GTF3C1: variants seen among roughly 807,000 people sequenced by gnomAD.
GTF3C1 encodes general transcription factor 3C polypeptide 1.
Under a neutral mutation model 226.7 loss-of-function variants are expected in GTF3C1, and 57 were observed. That is an observed-to-expected ratio of 0.25 (90% confidence interval 0.20 to 0.31). The LOEUF is 0.31. Ranked by LOEUF, GTF3C1 falls within the 10% of genes least tolerant of loss-of-function variation. The probability of loss-of-function intolerance (pLI) is 1.00; values close to 1 mark genes in which losing one functional copy is unlikely to be tolerated. For missense variants in GTF3C1, 2,217 were observed against 2,776.1 expected, an observed-to-expected ratio of 0.80 and a Z score of 4.53; for synonymous variants, 1,090 against 1,084.8, an observed-to-expected ratio of 1.00 and a Z score of -0.09.
rs117580390 is a variant in GTF3C1 at position 27,536,694 on chromosome 16, T to A, written c.752+1090A>T. 5.3e-5 allele frequency among the ~76,000 whole-genome samples: 8 copies of A among 152,134 alleles called. No homozygotes were observed. In the East Asian group the frequency reaches 1.5e-3, roughly 29 times the overall value. On this transcript the variant is annotated intron_variant, in intron 4 of 36. Coordinates refer to ENST00000356183, the MANE Select transcript of GTF3C1 (RefSeq NM_001520.4). Reference sequence around the variant, plus strand: ...TCCCCCCACTTTTGGAGGATGCACCTCCCCTCCCCATTATCCCTCATTGCT... The same window carrying A: ...TCCCCCCACTTTTGGAGGATGCACCACCCCTCCCCATTATCCCTCATTGCT...
rs1329261408 is a variant in GTF3C1 at position 27,549,725 on chromosome 16, C to T, written c.166G>A (p.Gly56Ser). 1.8e-5 allele frequency: 29 copies of T among 1,610,818 alleles called. No individual in the cohort carries two copies. Among genetic ancestry groups the T allele is most frequent in the Non-Finnish European group, 2.3e-5 (27 of 1,179,398 alleles). ...FLWRALATHP[G>S]ISFYEEPRER... ...CGAGGCTCCTCATAGAAGCTGATGC[C>T]CGGGTGCGTGGCGAGGGCCCGCCAG... Residue 56 changes from glycine (G) to serine (S), a missense_variant, in exon 1 of 37, where the codon GGC becomes AGC. Gly to Ser is a moderately conservative substitution (Grantham distance 56). Transcript: ENST00000356183.
At chr16:27,519,827 C>A (rs955259498) in intron 6 of GTF3C1, among the ~76,000 whole-genome samples, 1 of 152,180 alleles carries the variant, frequency 6.6e-6, no homozygotes, top group Non-Finnish European at 1.5e-5. Flanking sequence ...AGAAACAAGG[C>A]TGGACATAGA....
rs751952764 is a variant in GTF3C1, at chr16:27,484,262, C to T, written c.3950G>A (p.Gly1317Glu). The part of the protein sequence containing the change: ...ESLDKTSHSV[G>E]RRARYIVKNP... ...TTTGACTATGTAGCGAGCTCTTCGT[C>T]CAACGGAATGAGATGTTTTATCCAA... Residue 1317 changes from glycine (G) to glutamate (E), a missense_variant, in exon 25 of 37, where the codon GGA becomes GAA. Physicochemically the swap from Gly to Glu is moderately conservative, Grantham distance 98. This residue lies in a region of GTF3C1 where 546 missense variants were observed against 663.0 expected (regional missense o/e 0.82). Coordinates refer to ENST00000356183, the MANE Select transcript of GTF3C1 (RefSeq NM_001520.4). 1.2e-6 allele frequency: 2 copies of T among 1,608,300 alleles called. No homozygotes were observed. The highest frequency in any genetic ancestry group is 8.5e-7 in the Non-Finnish European group (1 of 1,174,758).
chr16:27,529,796 G>A (rs966120633), intron 5 of GTF3C1, among the ~76,000 whole-genome samples: 11 of 152,172 alleles, frequency 7.2e-5, no homozygotes. Flanking sequence ...GGGCCCACCC[G>A]GTTCCAGGGG....
intron 16 of GTF3C1, 104 bp downstream of exon 16, chr16:27,494,659 G>C (rs541361659): frequency 1.4e-4 from 106 of 762,652 alleles, no homozygotes; most frequent in Non-Finnish European, 2.1e-4. Flanking sequence ...ATTCATCTGG[G>C]CAACACCGGG....
At chr16:27,468,858 T>G (rs2087822324) in intron 32 of GTF3C1, among the ~76,000 whole-genome samples, 2 of 152,216 alleles carry the variant, frequency 1.3e-5, no homozygotes, top group Non-Finnish European at 2.9e-5. Flanking sequence ...TACTTATCTT[T>G]CCTAGCAAGG....
Position 27,493,311 on chromosome 16 carries a change from T to G in GTF3C1, c.2779-15A>C. On this transcript the variant is annotated splice_polypyrimidine_tract_variant and intron_variant, in intron 16 of 36. Transcript: ENST00000356183. Reference sequence around the variant, plus strand: ...AGGTTGTCCACCTGAAGAGGTGATGTGCAGGTTCAGCTCGCCCTGAGGGCC... The same window carrying G: ...AGGTTGTCCACCTGAAGAGGTGATGGGCAGGTTCAGCTCGCCCTGAGGGCC... 7.0e-7 allele frequency: 1 copy of G among 1,418,824 alleles called. No homozygotes were observed. The highest frequency in any genetic ancestry group is 1.0e-6 in the Non-Finnish European group (1 of 1,001,352). The allele number at this position is 1,418,824 out of a possible 1,614,324, so 87.9% of individuals were successfully genotyped here.
At chr16:27,478,421 A>G (rs1384383337) in intron 28 of GTF3C1, 48 bp downstream of exon 28, 1 of 1,240,628 alleles carries the variant, frequency 8.1e-7, no homozygotes, top group African/African-American at 1.5e-5. Flanking sequence ...GTCAGCCATC[A>G]AGTTATTAAG....
At chr16:27,504,881 A>G (rs2088460122) in intron 10 of GTF3C1, among the ~76,000 whole-genome samples, 1 of 152,294 alleles carries the variant, frequency 6.6e-6, no homozygotes, top group East Asian at 1.9e-4. Flanking sequence ...CAGTGAGCCG[A>G]GCTCGTACCA....
intron 14 of GTF3C1, among the ~76,000 whole-genome samples, chr16:27,496,422 T>C (rs569773442): frequency 6.6e-6 from 1 of 152,304 alleles, no homozygotes; most frequent in African/African-American, 2.4e-5. Context: ...TTATTGTTGT[T>C]GTTGTTTTGA....
chr16:27,469,296 G>T lies in GTF3C1; in HGVS notation c.5069C>A (p.Pro1690His). Residue 1690 changes from proline (P) to histidine (H), a missense_variant, in exon 32 of 37, where the codon CCC becomes CAC. By Grantham distance (77) the Pro-to-His change is moderately conservative. Coordinates refer to ENST00000356183, the MANE Select transcript of GTF3C1 (RefSeq NM_001520.4). This position sits in a 1 kb window ranked among gnomAD's most constrained non-coding sequence, Gnocchi z 4.5. ...RCTPVPARLRPAAAPLEELTM... is the reference protein window; with the variant it reads ...RCTPVPARLRHAAAPLEELTM... ...GCACCAGCAGGAGCACTCACCAGCG[G>T]GCCTGAGCCGGGCGGGCACAGGGGT... 1.3e-6 allele frequency: 2 copies of T among 1,561,272 alleles called. No individual in the cohort carries two copies. The highest frequency in any genetic ancestry group is 1.7e-6 in the Non-Finnish European group (2 of 1,151,610).
intron 19 of GTF3C1, among the ~76,000 whole-genome samples, chr16:27,491,623 T>C (rs1212606811): frequency 1.3e-5 from 2 of 152,046 alleles, no homozygotes; most frequent in African/African-American, 4.8e-5. Context: ...GAGAGGGGTG[T>C]GGGCAGAGGC....
Position 27,469,288 on chromosome 16 carries a change from C to T in GTF3C1, c.5074+3G>A, listed in dbSNP as rs2141346924. On this transcript the variant is annotated splice_donor_region_variant and intron_variant, in intron 32 of 36. Coordinates refer to ENST00000356183, the MANE Select transcript of GTF3C1 (RefSeq NM_001520.4). This position sits in a 1 kb window ranked among gnomAD's most constrained non-coding sequence, Gnocchi z 4.5. The stretch of plus-strand genomic sequence containing the variant: ...CTCCCACAGCACCAGCAGGAGCACT[C>T]ACCAGCGGGCCTGAGCCGGGCGGGC... 6 of 1,554,158 alleles carry T rather than the reference C, an allele frequency of 3.9e-6. No individual in the cohort carries two copies. In the East Asian group the frequency reaches 7.2e-5, roughly 19 times the overall value.
At chr16:27,464,290 A>AGGTGG in intron 34 of GTF3C1, 30 bp downstream of exon 34, 1 of 1,214,364 alleles carries the variant, frequency 8.2e-7, no homozygotes. Context: ...GGGTGGGGTG[A>AGGTGG]GGTGGGGTGG....
rs373714652 is a variant in GTF3C1 at position 27,505,597 on chromosome 16, T to G, written c.1770+302A>C. Among the ~76,000 whole-genome samples the G allele has an allele frequency of 3.3e-4, 50 of 152,334 alleles. 1 individual carries two copies. Among genetic ancestry groups the G allele is most frequent in the African/African-American group, 1.1e-3 (44 of 41,580 alleles). ...AGGGGTAAAACTGGGTAAGAACCAT[T>G]GATCTAAATTAGGCATACAGGTTTC... On this transcript the variant is annotated intron_variant, in intron 10 of 36. Coordinates refer to ENST00000356183, the MANE Select transcript of GTF3C1 (RefSeq NM_001520.4).
chr16:27,464,724 TCTC>T lies in GTF3C1; in HGVS notation c.5465_5467del (p.Arg1822_Glu1823delinsLys). The T allele has an allele frequency of 6.3e-7, 1 of 1,594,940 alleles. No individual in the cohort carries two copies. The highest frequency in any genetic ancestry group is 1.1e-5 in the South Asian group (1 of 90,548). ...GTCTTCTCTCTGGATGTCGGCGTCT[TCTC>T]TGTCTTTCAGCCGCACGGAGTGCAG... On this transcript the variant is annotated inframe_deletion, in exon 34 of 37. Coordinates refer to ENST00000356183, the MANE Select transcript of GTF3C1 (RefSeq NM_001520.4).
Position 27,462,031 on chromosome 16 carries a change from T to G in GTF3C1, c.6117+263A>C. On this transcript the variant is annotated intron_variant, in intron 36 of 36. Transcript: ENST00000356183. The surrounding 1 kb of genome is among the most constrained non-coding windows in gnomAD (Gnocchi z 4.5). ...TGACCCGTGGGGCCCGGCGGACTCA[T>G]GAGTTAGTGACCCCTGGCACAGAGA... 4 of 483,644 alleles carry G rather than the reference T, an allele frequency of 8.3e-6. No homozygotes were observed. Among genetic ancestry groups the G allele is most frequent in the African/African-American group, 1.9e-5 (1 of 52,126 alleles). The allele number at this position is 483,644 out of a possible 1,614,324, so 30.0% of individuals were successfully genotyped here.
chr16:27,512,764 G>T (rs1392466988), intron 6 of GTF3C1, among the ~76,000 whole-genome samples: 1 of 152,176 alleles, frequency 6.6e-6, no homozygotes, highest in Admixed American at 6.5e-5. Flanking sequence ...GGAAAAATGG[G>T]GACTTCTTGA....
intron 9 of GTF3C1, 75 bp from the exon 10 acceptor site, chr16:27,506,191 A>T (rs1185814785): frequency 6.3e-6 from 5 of 789,176 alleles, no homozygotes; most frequent in Non-Finnish European, 1.1e-5. Flanking sequence ...ATCAGACCAG[A>T]CCCACACAGG....
Sources: allele counts gnomAD v4.1 joint callset (sites outside exome capture counted in the v4.1 genomes callset), GRCh38; gene constraint gnomAD v4.1.1; regional missense constraint gnomAD v4.1.1; non-coding constraint Gnocchi (gnomAD v3.1); transcripts MANE v1.5; gene names NCBI Gene and HGNC (gene_info 2026-07-23, HGNC 2026-07-21).